The following PAPPA2 variants were observed in gnomAD, a reference collection of about 807,000 sequenced individuals.
PAPPA2 encodes pappalysin 2.
PAPPA2 carries 86 observed loss-of-function variants against 176.4 expected under a neutral mutation model. That is an observed-to-expected ratio of 0.49 (90% CI 0.41 to 0.58). PAPPA2 has a LOEUF of 0.58. Among genes scored for constraint, PAPPA2 ranks in the 20% least tolerant of loss-of-function variants. PAPPA2 has a pLI of 0.00. For synonymous variants in PAPPA2, 809 were observed against 852.2 expected, an observed-to-expected ratio of 0.95 and a Z score of 0.88; for missense variants, 2,073 against 2,256.9, an observed-to-expected ratio of 0.92 and a Z score of 1.65.
chr1:176,733,941 C>A (rs992717256), intron 12 of PAPPA2, among the ~76,000 whole-genome samples: 65 of 152,126 alleles, frequency 4.3e-4, no homozygotes, highest in Admixed American at 3.1e-3. Context: ...CCACTCACCC[C>A]AACCAAAAGG....
chr1:176,643,376 G>A (rs758568894), intron 3 of PAPPA2, among the ~76,000 whole-genome samples: 9 of 151,022 alleles, frequency 6.0e-5, no homozygotes, highest in African/African-American at 1.9e-4. Flanking sequence ...AGCCTTTGCC[G>A]GTCTGCAAGC....
At chr1:176,645,601 T>C (rs1657353365) in intron 3 of PAPPA2, among the ~76,000 whole-genome samples, 1 of 151,794 alleles carries the variant, frequency 6.6e-6, no homozygotes, top group Non-Finnish European at 1.5e-5. Flanking sequence ...CTTTTGGATA[T>C]GTACCCAGTA....
intron 3 of PAPPA2, among the ~76,000 whole-genome samples, chr1:176,655,962 T>A (rs1395361222): frequency 6.6e-6 from 1 of 151,872 alleles, no homozygotes; most frequent in African/African-American, 2.4e-5. Context: ...CTTCCATCAC[T>A]GTCCCGTGAT....
rs868186843 is a variant in PAPPA2, at chr1:176,672,738, A to G, written c.2137+1623A>G. Among the ~76,000 whole-genome samples, 27 of 152,172 alleles carry G rather than the reference A, an allele frequency of 1.8e-4. 1 individual carries two copies. The highest frequency in any genetic ancestry group is 7.4e-5 in the Non-Finnish European group (5 of 68,026). On this transcript the variant is annotated intron_variant, in intron 4 of 22. Transcript: ENST00000367662. Reference sequence around the variant, plus strand: ...CACATATATGCATAACAAATTAAACATGTAAGGATCCAAATTAAATGCTTT... The same window carrying G: ...CACATATATGCATAACAAATTAAACGTGTAAGGATCCAAATTAAATGCTTT...
intron 10 of PAPPA2, 31 bp downstream of exon 10, chr1:176,706,481 G>T (rs748400821): frequency 1.3e-6 from 2 of 1,586,518 alleles, no homozygotes; most frequent in South Asian, 2.2e-5. Context: ...CTAAGATTGT[G>T]TCCTACTTTT....
At chr1:176,562,365 G>T (rs1009169131) in intron 2 of PAPPA2, among the ~76,000 whole-genome samples, 2 of 152,206 alleles carry the variant, frequency 1.3e-5, no homozygotes, top group Non-Finnish European at 2.9e-5. Flanking sequence ...TCACGTAGAT[G>T]TGAAGAGAAT....
chr1:176,603,559 C>T (rs1317472586), intron 3 of PAPPA2, among the ~76,000 whole-genome samples: 1 of 152,174 alleles, frequency 6.6e-6, no homozygotes, highest in Admixed American at 6.5e-5. Flanking sequence ...ACTTCTTACC[C>T]AGAGCGCTGT....
chr1:176,618,511 G>A (rs1458142558), intron 3 of PAPPA2, among the ~76,000 whole-genome samples: 4 of 152,188 alleles, frequency 2.6e-5, no homozygotes, highest in African/African-American at 9.6e-5. Context: ...TAATTAATGA[G>A]CTTTTGCCAG....
intron 1 of PAPPA2, among the ~76,000 whole-genome samples, chr1:176,524,752 G>A (rs1197124265): frequency 6.6e-6 from 1 of 152,170 alleles, no homozygotes; most frequent in African/African-American, 2.4e-5. Flanking sequence ...GGTCGGGCGC[G>A]GTGGCTTACG....
At position 176,556,269 on chromosome 1, in the gene PAPPA2, T is replaced by G. The variant is rs1161960140; in HGVS notation, c.-54T>G. 1.0e-5 allele frequency: 16 copies of G among 1,561,998 alleles called. 1 individual carries two copies. Among genetic ancestry groups the G allele is most frequent in the East Asian group, 4.5e-5 (2 of 44,566 alleles). ...CCTCTTTCTCGTCTGCCCATCACTCTGGTGTGGTACCCAGAAGTTGACTTC... is the reference window on the plus strand; with the variant it reads ...CCTCTTTCTCGTCTGCCCATCACTCGGGTGTGGTACCCAGAAGTTGACTTC... On this transcript the variant is annotated 5_prime_UTR_variant, in exon 2 of 23. Transcript: ENST00000367662.
chr1:176,828,549 T>A (rs191994670), intron 21 of PAPPA2, among the ~76,000 whole-genome samples: 55 of 151,770 alleles, frequency 3.6e-4, no homozygotes, highest in African/African-American at 1.3e-3. Flanking sequence ...GGGAGAAGCA[T>A]ATATATGTAT....
chr1:176,709,155 G>A (rs553015188), intron 10 of PAPPA2, among the ~76,000 whole-genome samples: 2 of 152,148 alleles, frequency 1.3e-5, no homozygotes, highest in African/African-American at 4.8e-5. Flanking sequence ...GCTTTACAAC[G>A]CCAGTATATT....
chr1:176,547,699 A>G (rs1446776047), intron 1 of PAPPA2, among the ~76,000 whole-genome samples: 1 of 152,166 alleles, frequency 6.6e-6, no homozygotes, highest in Non-Finnish European at 1.5e-5. Context: ...ACGCATTGGA[A>G]GATGTTAAGC....
intron 4 of PAPPA2, among the ~76,000 whole-genome samples, chr1:176,672,928 A>G (rs1659092134): frequency 6.6e-6 from 1 of 152,178 alleles, no homozygotes; most frequent in South Asian, 2.1e-4. Context: ...AGAGCATTGC[A>G]TGTGTTGATA....
intron 14 of PAPPA2, among the ~76,000 whole-genome samples, chr1:176,748,738 C>A (rs1286825129): frequency 1.3e-5 from 2 of 152,120 alleles, no homozygotes; most frequent in Non-Finnish European, 2.9e-5. Context: ...TTTAAATACA[C>A]AAACACATCA....
intron 3 of PAPPA2, among the ~76,000 whole-genome samples, chr1:176,651,266 T>C (rs929668172): frequency 6.6e-6 from 1 of 151,638 alleles, no homozygotes; most frequent in Non-Finnish European, 1.5e-5. Flanking sequence ...ATTAGTGTTT[T>C]TTTTTCAGAC....
chr1:176,494,022 T>C (rs1445177314), intron 1 of PAPPA2, among the ~76,000 whole-genome samples: 1 of 152,194 alleles, frequency 6.6e-6, no homozygotes, highest in African/African-American at 2.4e-5. Context: ...GTTAACATCA[T>C]TGCACAAAAT....
chr1:176,584,836 G>A (rs1372080760), intron 2 of PAPPA2, among the ~76,000 whole-genome samples: 3 of 152,124 alleles, frequency 2.0e-5, no homozygotes, highest in East Asian at 1.9e-4. Flanking sequence ...CCAGGTTGAA[G>A]CAATTCTCTG....
chr1:176,807,206 G>C (rs1003545719), intron 21 of PAPPA2, among the ~76,000 whole-genome samples: 1 of 152,172 alleles, frequency 6.6e-6, no homozygotes, highest in African/African-American at 2.4e-5. Flanking sequence ...GTTACTCAAA[G>C]CACAAGGATA....
Sources: allele counts gnomAD v4.1 joint callset (sites outside exome capture counted in the v4.1 genomes callset), GRCh38; gene constraint gnomAD v4.1.1; transcripts MANE v1.5; gene names NCBI Gene and HGNC (gene_info 2026-07-23, HGNC 2026-07-21).